TRMT9B: variants seen among roughly 807,000 people sequenced by gnomAD.
TRMT9B encodes the protein probable tRNA methyltransferase 9B.
In TRMT9B, 16 loss-of-function variants were observed where a neutral mutation model predicts 11.5. The ratio of observed to expected loss-of-function variants is 1.39; its 90% CI spans 0.94 to 2.11. The LOEUF (loss-of-function observed/expected upper bound fraction) is 2.11, where lower values mean the gene tolerates loss of function less well. Ranked by LOEUF, TRMT9B falls within the 30% of genes most tolerant of loss-of-function variation. The pLI is 0.00. For synonymous variants in TRMT9B, 274 were observed against 192.4 expected (o/e 1.42, Z -3.51); for missense variants, 941 against 553.8 (o/e 1.70, Z -7.02).
intron 1 of TRMT9B, among the ~76,000 whole-genome samples, chr8:12,961,341 T>TA (rs959118416): frequency 7.2e-5 from 11 of 152,130 alleles, no homozygotes; most frequent in Non-Finnish European, 8.8e-5. Context: ...TATTTTAATT[T>TA]AAAAAAATCA....
intron 3 of TRMT9B, 77 bp from the exon 4 acceptor site, chr8:13,012,607 T>G (rs1811846136): frequency 2.0e-6 from 3 of 1,476,308 alleles, no homozygotes; most frequent in Admixed American, 4.4e-5. Flanking sequence ...GTTAATTATA[T>G]TTCTTGTTAT....
chr8:13,012,780 G>A lies in TRMT9B; in HGVS notation c.251G>A (p.Gly84Glu). The change falls in exon 4 of 5, where the codon GGA (glycine) becomes GAA (glutamate). Residue 84 changes from glycine to glutamate, a missense_variant. Physicochemically the swap from Gly to Glu is moderately conservative, Grantham distance 98. Transcript: ENST00000524591. ...GPLVEIARNR[G>E]CEAMVCDNLN... The stretch of plus-strand genomic sequence containing the variant: ...CTGGTAGAGATTGCCCGGAATAGAG[G>A]ATGTGAAGCCATGGTATGTGACAAC... 4 of 1,613,924 alleles carry A rather than the reference G, an allele frequency of 2.5e-6. No homozygotes were observed. Among genetic ancestry groups the A allele is most frequent in the Non-Finnish European group, 3.4e-6 (4 of 1,179,892 alleles).
At chr8:13,014,483 T>C (rs1187839114) in intron 4 of TRMT9B, among the ~76,000 whole-genome samples, 1 of 152,016 alleles carries the variant, frequency 6.6e-6, no homozygotes, top group Non-Finnish European at 1.5e-5. Flanking sequence ...AAGGGGAGAA[T>C]GAGAGAGATA....
intron 1 of TRMT9B, 86 bp from the exon 2 acceptor site, chr8:12,990,748 T>C (rs1443400463): frequency 1.3e-5 from 10 of 771,302 alleles, no homozygotes; most frequent in Non-Finnish European, 1.8e-5. Flanking sequence ...AATTTATGCA[T>C]AGGTCAGGAA....
At chr8:12,983,788 G>A (rs1472590103) in intron 1 of TRMT9B, among the ~76,000 whole-genome samples, 1 of 152,038 alleles carries the variant, frequency 6.6e-6, no homozygotes, top group African/African-American at 2.4e-5. Flanking sequence ...TAAAATACAG[G>A]GTACAGTAGC....
At chr8:12,974,359 A>G (rs1400762825) in intron 1 of TRMT9B, among the ~76,000 whole-genome samples, 1 of 152,108 alleles carries the variant, frequency 6.6e-6, no homozygotes, top group African/African-American at 2.4e-5. Flanking sequence ...GAAGTTTCAA[A>G]TGGTGATGAA....
At chr8:12,974,581 A>G (rs774757499) in intron 1 of TRMT9B, among the ~76,000 whole-genome samples, 5 of 152,214 alleles carry the variant, frequency 3.3e-5, no homozygotes, top group Admixed American at 6.5e-5. Flanking sequence ...TCCAGACAAC[A>G]GGTTGGCCAA....
chr8:13,011,949 C>G, intron 3 of TRMT9B: 1 of 985,182 alleles, frequency 1.0e-6, no homozygotes, highest in Non-Finnish European at 1.2e-6. Flanking sequence ...TTGCAGTCAG[C>G]AAGTGGTAAG....
At chr8:12,952,689 A>G in intron 1 of TRMT9B, 1 of 984,786 alleles carries the variant, frequency 1.0e-6, no homozygotes, top group Non-Finnish European at 1.2e-6. Context: ...TTAAGAAGGA[A>G]TGCCAAAATA....
intron 1 of TRMT9B, among the ~76,000 whole-genome samples, chr8:12,974,570 T>A (rs561091536): frequency 2.6e-5 from 4 of 152,198 alleles, no homozygotes; most frequent in Non-Finnish European, 5.9e-5. Flanking sequence ...TCCTGCCTCG[T>A]TCCAGACAAC....
At chr8:13,003,688 C>T (rs1478553628) in intron 2 of TRMT9B, among the ~76,000 whole-genome samples, 2 of 151,210 alleles carry the variant, frequency 1.3e-5, no homozygotes, top group African/African-American at 4.9e-5. Context: ...CTATAAAATG[C>T]CTCTGAAGAA....
At chr8:13,017,478 G>C (rs1310204579) in intron 4 of TRMT9B, among the ~76,000 whole-genome samples, 1 of 152,072 alleles carries the variant, frequency 6.6e-6, no homozygotes, top group East Asian at 1.9e-4. Flanking sequence ...ATTCAACATA[G>C]TTTCCAGACA....
intron 1 of TRMT9B, among the ~76,000 whole-genome samples, chr8:12,988,259 C>A (rs982625732): frequency 1.3e-5 from 2 of 152,158 alleles, no homozygotes; most frequent in African/African-American, 4.8e-5. Context: ...CTATGTGCTC[C>A]TGTAGCACCG....
intron 1 of TRMT9B, among the ~76,000 whole-genome samples, chr8:12,976,818 C>T (rs1348036557): frequency 1.3e-5 from 2 of 152,280 alleles, no homozygotes; most frequent in African/African-American, 2.4e-5. Context: ...CTTGGCATGA[C>T]TTTAAACCCA....
At chr8:12,968,316 A>C (rs962310886) in intron 1 of TRMT9B, among the ~76,000 whole-genome samples, 9 of 152,230 alleles carry the variant, frequency 5.9e-5, no homozygotes, top group Non-Finnish European at 1.0e-4. Context: ...AAGAAGAGTG[A>C]GGAAGTGGGC....
In TRMT9B at chr8:13,006,220, C is replaced by T. The variant is rs778994544; in HGVS notation, c.18C>T (p.Ala6=). Residue 6 remains alanine, a synonymous_variant, in exon 3 of 5, where the codon GCC becomes GCT. Coordinates refer to ENST00000524591, the MANE Select transcript of TRMT9B (RefSeq NM_020844.3). MDHEA[A]QLEKQHVHNV... is the part of the protein sequence containing the mutation. ...TCTCCAGGATGGATCATGAAGCCGC[C>T]CAGCTGGAGAAGCAGCATGTGCACA... The T allele has an allele frequency of 1.9e-6, 3 of 1,613,820 alleles. No individual in the cohort carries two copies. In the African/African-American group the frequency reaches 4.0e-5, roughly 22 times the overall value.
intron 4 of TRMT9B, among the ~76,000 whole-genome samples, chr8:13,015,001 G>C (rs2460920): frequency 6.6e-6 from 1 of 151,724 alleles, no homozygotes; most frequent in Non-Finnish European, 1.5e-5. Flanking sequence ...AGAGGTTGCA[G>C]TGAGCCAAGA....
chr8:12,973,073 G>C (rs1260969879), intron 1 of TRMT9B, among the ~76,000 whole-genome samples: 1 of 152,134 alleles, frequency 6.6e-6, no homozygotes, highest in African/African-American at 2.4e-5. Flanking sequence ...CACATGAGTG[G>C]AGTCATGCAG....
At chr8:12,948,855 G>T (rs183904591) in intron 1 of TRMT9B, among the ~76,000 whole-genome samples, 86 of 152,270 alleles carry the variant, frequency 5.6e-4, no homozygotes, top group African/African-American at 1.8e-3. Flanking sequence ...CGCTACTTGG[G>T]AGGCTGAGGC....
Sources: allele counts gnomAD v4.1 joint callset (sites outside exome capture counted in the v4.1 genomes callset), GRCh38; gene constraint gnomAD v4.1.1; transcripts MANE v1.5; gene names NCBI Gene and HGNC (gene_info 2026-07-23, HGNC 2026-07-21).